DIAPH2: variants seen among roughly 807,000 people sequenced by gnomAD.
The protein encoded by DIAPH2 is diaphanous related formin 2.
In DIAPH2, 35 loss-of-function variants were observed where a neutral mutation model predicts 92.7. The observed-to-expected ratio is 0.38, with a 90% CI of 0.29 to 0.50. The LOEUF (loss-of-function observed/expected upper bound fraction) is 0.50, where lower values mean the gene tolerates loss of function less well. DIAPH2 is among the 20% of genes least tolerant of loss of function. The pLI is 0.94. For missense variants in DIAPH2, 701 were observed against 819.5 expected (o/e 0.86, Z 1.77); for synonymous variants, 301 against 280.4 (o/e 1.07, Z -0.73).
chrX:97,337,216 A>T (rs960014187), intron 23 of DIAPH2, among the ~76,000 whole-genome samples: 3 of 110,079 alleles, frequency 2.7e-5, no homozygotes, highest in African/African-American at 9.9e-5. Context: ...GGCAGGAGGT[A>T]AAAAAGAGAA....
At chrX:97,178,441 C>CTTTTTT (rs1569321100) in intron 22 of DIAPH2, among the ~76,000 whole-genome samples, 4 of 88,975 alleles carry the variant, frequency 4.5e-5, no homozygotes, top group African/African-American at 1.9e-4. Context: ...GCCTATATTT[C>CTTTTTT]TCTTTTTTTT....
chrX:97,162,204 A>G (rs971669995), intron 22 of DIAPH2, among the ~76,000 whole-genome samples: 1 of 110,742 alleles, frequency 9.0e-6, no homozygotes, highest in Admixed American at 9.7e-5. Context: ...CGAATCATCT[A>G]TTAAGAAGCA....
rs1569323070 is a variant in DIAPH2 at position 97,185,369 on chromosome X, GTATATATATATGTA to G, written c.2719+43585_2719+43598del. ...TATATATATGTGTGTATATATATAT[GTATATATATATGTA>G]TATATATATGTGTATATATATATAT... On this transcript the variant is annotated intron_variant, in intron 22 of 26. Transcript: ENST00000324765. Among the ~76,000 whole-genome samples the G allele has an allele frequency of 8.2e-4, 25 of 30,336 alleles. 5 individuals are homozygous for G. Among genetic ancestry groups the G allele is most frequent in the African/African-American group, 6.7e-3 (24 of 3,584 alleles). The allele number at this position is 30,336 out of a possible 115,157, so 26.3% of individuals were successfully genotyped here. A position where few individuals can be genotyped will look rare whatever the true frequency, so the allele number is the denominator to read the frequency against.
At chrX:97,178,443 CTTTTTTTT>C (rs766983375) in intron 22 of DIAPH2, among the ~76,000 whole-genome samples, 4 of 67,257 alleles carry the variant, frequency 5.9e-5, no homozygotes, top group African/African-American at 2.1e-4. Context: ...CTATATTTCT[CTTTTTTTT>C]TTTTTTTTTT....
At chrX:97,168,201 C>T (rs2067426006) in intron 22 of DIAPH2, among the ~76,000 whole-genome samples, 2 of 108,669 alleles carry the variant, frequency 1.8e-5, no homozygotes, top group Non-Finnish European at 3.8e-5. Context: ...TCTCCTACCT[C>T]AGCCTCCCGC....
chrX:96,841,351 G>A (rs1053587163), intron 4 of DIAPH2, among the ~76,000 whole-genome samples: 1 of 111,842 alleles, frequency 8.9e-6, no homozygotes, highest in African/African-American at 3.2e-5. Flanking sequence ...AGAAATCAAA[G>A]GAACCTGGCT....
At chrX:96,842,414 G>A (rs1037776395) in intron 4 of DIAPH2, among the ~76,000 whole-genome samples, 3 of 111,750 alleles carry the variant, frequency 2.7e-5, no homozygotes, top group African/African-American at 9.8e-5. Context: ...TGCTAGGTAT[G>A]TTTCCTTTAT....
chrX:97,297,055 G>A (rs185957694), intron 23 of DIAPH2, among the ~76,000 whole-genome samples: 146 of 94,739 alleles, frequency 1.5e-3, no homozygotes, highest in Non-Finnish European at 2.5e-3. Flanking sequence ...GGGATTACAG[G>A]TGTGAGCCAC....
At chrX:97,389,400 A>AAG (rs1346916472) in intron 25 of DIAPH2, among the ~76,000 whole-genome samples, 2 of 105,256 alleles carry the variant, frequency 1.9e-5, no homozygotes, top group Non-Finnish European at 3.9e-5. Context: ...CGGGGGGCAG[A>AAG]AGTTGCAGTG....
At chrX:97,455,322 C>T (rs1161765988) in intron 26 of DIAPH2, among the ~76,000 whole-genome samples, 5 of 112,019 alleles carry the variant, frequency 4.5e-5, no homozygotes, top group Non-Finnish European at 9.4e-5. Flanking sequence ...AGGCATTATT[C>T]TCAGATGGGC....
chrX:97,027,923 A>G (rs1483046510), intron 17 of DIAPH2, among the ~76,000 whole-genome samples: 1 of 112,260 alleles, frequency 8.9e-6, no homozygotes, highest in African/African-American at 3.2e-5. Flanking sequence ...TTTTGAGGAA[A>G]AAAATAATTG....
At chrX:96,863,360 A>T (rs2147726585) in intron 4 of DIAPH2, among the ~76,000 whole-genome samples, 1 of 107,314 alleles carries the variant, frequency 9.3e-6, no homozygotes, top group East Asian at 2.9e-4. Context: ...ATTTATTGAA[A>T]CCATATATCC....
intron 23 of DIAPH2, among the ~76,000 whole-genome samples, chrX:97,280,621 T>A (rs1187164151): frequency 8.9e-6 from 1 of 111,755 alleles, no homozygotes; most frequent in Non-Finnish European, 1.9e-5. Context: ...AAAATTATTA[T>A]GTCTTCAGGT....
intron 23 of DIAPH2, among the ~76,000 whole-genome samples, chrX:97,294,357 T>G (rs2068625684): frequency 8.9e-6 from 1 of 112,242 alleles, no homozygotes; most frequent in Admixed American, 9.6e-5. Flanking sequence ...TCGTTGGTCT[T>G]AATTTATGGA....
intron 22 of DIAPH2, among the ~76,000 whole-genome samples, chrX:97,191,045 C>T (rs994043857): frequency 9.2e-6 from 1 of 109,211 alleles, no homozygotes; most frequent in African/African-American, 3.3e-5. Context: ...GAAATAAAAA[C>T]GGGCTGGGCG....
Position 96,962,438 on chromosome X carries a change from TATACATATATAC to T in DIAPH2, c.1936-2653_1936-2642del, listed in dbSNP as rs1368768621. Among the ~76,000 whole-genome samples, 180 of 74,083 alleles carry T rather than the reference TATACATATATAC, an allele frequency of 2.4e-3. 11 individuals are homozygous for T. The highest frequency in any genetic ancestry group is 0.01 in the African/African-American group (169 of 16,124). The allele number at this position is 74,083 out of a possible 115,157, so 64.3% of individuals were successfully genotyped here. On this transcript the variant is annotated intron_variant, in intron 16 of 26. Coordinates refer to ENST00000324765, the MANE Select transcript of DIAPH2 (RefSeq NM_006729.5). ...ATATACACATATATATACATATATA[TATACATATATAC>T]ACACACATATATATATACATATATA...
intron 17 of DIAPH2, among the ~76,000 whole-genome samples, chrX:96,998,405 C>A (rs1191630737): frequency 2.7e-5 from 3 of 110,805 alleles, no homozygotes; most frequent in Non-Finnish European, 5.7e-5. Context: ...TTAATGATCC[C>A]TCTATTTTTC....
chrX:96,793,094 G>C (rs1019640372), intron 4 of DIAPH2, among the ~76,000 whole-genome samples: 3 of 112,185 alleles, frequency 2.7e-5, no homozygotes, highest in African/African-American at 9.7e-5. Flanking sequence ...GACACTATCT[G>C]TTATGAGGAC....
At chrX:97,346,414 C>G (rs1028414233) in intron 23 of DIAPH2, among the ~76,000 whole-genome samples, 4 of 109,373 alleles carry the variant, frequency 3.7e-5, no homozygotes, top group Non-Finnish European at 5.7e-5. Context: ...CTTCTCCCTC[C>G]CCCCTTCCCT....
Sources: allele counts gnomAD v4.1 joint callset (sites outside exome capture counted in the v4.1 genomes callset), GRCh38; gene constraint gnomAD v4.1.1; transcripts MANE v1.5; gene names NCBI Gene and HGNC (gene_info 2026-07-23, HGNC 2026-07-21).